CCDC148: variants seen among roughly 807,000 people sequenced by gnomAD.
The protein encoded by CCDC148 is coiled-coil domain containing 148, also known as coiled-coil domain-containing protein 148.
A neutral mutation model predicts 85.7 loss-of-function variants in CCDC148; 89 were observed. That is an observed-to-expected ratio of 1.04 (90% confidence interval 0.87 to 1.24). The LOEUF is 1.24. Among genes scored for constraint, CCDC148 ranks in the 50% most tolerant of loss-of-function variants. CCDC148 has a pLI of 0.00. For synonymous variants in CCDC148, 230 were observed against 213.9 expected (o/e 1.08, Z -0.66); for missense variants, 692 against 671.7 (o/e 1.03, Z -0.33).
chr2:158,227,654 A>C (rs972056621), intron 10 of CCDC148, among the ~76,000 whole-genome samples: 1 of 152,218 alleles, frequency 6.6e-6, no homozygotes, highest in Non-Finnish European at 1.5e-5. Flanking sequence ...ATAATGCCGC[A>C]TATCTACAAC....
chr2:158,311,427 TC>T (rs142340948), intron 8 of CCDC148, among the ~76,000 whole-genome samples: 8,373 of 152,004 alleles, frequency 0.055, 492 homozygotes, highest in African/African-American at 0.15. Flanking sequence ...GGCAGTACAG[TC>T]CAGCCTCGGC....
intron 1 of CCDC148, among the ~76,000 whole-genome samples, chr2:158,430,150 G>T (rs1687274591): frequency 1.3e-5 from 2 of 152,268 alleles, no homozygotes; most frequent in South Asian, 4.1e-4. Flanking sequence ...TTCACACAGG[G>T]ATGAAGATGT....
chr2:158,311,518 G>A (rs1049209103), intron 8 of CCDC148, among the ~76,000 whole-genome samples: 196 of 147,848 alleles, frequency 1.3e-3, no homozygotes, highest in African/African-American at 4.5e-3. Flanking sequence ...CGGAGATGAC[G>A]GAGAGGGAGA....
chr2:158,356,504 A>G (rs887921924), intron 2 of CCDC148, among the ~76,000 whole-genome samples: 4 of 152,160 alleles, frequency 2.6e-5, no homozygotes, highest in Non-Finnish European at 4.4e-5. Context: ...TGGCCATCAG[A>G]GAAATGCAAA....
At chr2:158,254,259 T>A (rs1054556298) in intron 9 of CCDC148, among the ~76,000 whole-genome samples, 1 of 151,704 alleles carries the variant, frequency 6.6e-6, no homozygotes, top group African/African-American at 2.4e-5. Context: ...ATTGGTTAGT[T>A]GATGCTATTA....
At chr2:158,176,811 G>T in intron 12 of CCDC148, 150 bp from the exon 13 acceptor site, 1 of 776,538 alleles carries the variant, frequency 1.3e-6, no homozygotes, top group Non-Finnish European at 2.0e-6. Flanking sequence ...TAATTGGTCA[G>T]TCCTAGAGAT....
intron 7 of CCDC148, among the ~76,000 whole-genome samples, chr2:158,337,074 C>T (rs932437023): frequency 6.6e-6 from 1 of 152,106 alleles, no homozygotes. Context: ...CTGAGTCACA[C>T]AGGGTTGCAT....
chr2:158,323,254 C>A (rs1692604174), intron 7 of CCDC148, among the ~76,000 whole-genome samples: 1 of 151,998 alleles, frequency 6.6e-6, no homozygotes, highest in Non-Finnish European at 1.5e-5. Context: ...ATGTGGCAGT[C>A]CAAATTAAGA....
At chr2:158,424,573 G>A (rs560033055) in intron 1 of CCDC148, among the ~76,000 whole-genome samples, 2 of 152,008 alleles carry the variant, frequency 1.3e-5, no homozygotes, top group African/African-American at 2.4e-5. Flanking sequence ...GTCATGGGGT[G>A]GGGGGAGTGG....
intron 11 of CCDC148, among the ~76,000 whole-genome samples, chr2:158,187,751 C>T (rs1431499558): frequency 6.6e-6 from 1 of 152,034 alleles, no homozygotes; most frequent in Non-Finnish European, 1.5e-5. Context: ...CAACATGAAT[C>T]CTCTTCTTTT....
chr2:158,266,344 C>T (rs1302468930), intron 9 of CCDC148, among the ~76,000 whole-genome samples: 1 of 152,126 alleles, frequency 6.6e-6, no homozygotes, highest in Non-Finnish European at 1.5e-5. Context: ...GTTGCTGCCA[C>T]ATAGGAATGA....
chr2:158,223,059 C>T (rs530247052), intron 10 of CCDC148, among the ~76,000 whole-genome samples: 1 of 152,152 alleles, frequency 6.6e-6, no homozygotes, highest in African/African-American at 2.4e-5. Flanking sequence ...AGGGAATTGC[C>T]TTTCCTAGTC....
intron 9 of CCDC148, among the ~76,000 whole-genome samples, chr2:158,277,903 G>A (rs10166693): frequency 0.034 from 5,129 of 152,170 alleles, 122 homozygotes; most frequent in East Asian, 0.064. Context: ...CAAAGAAACT[G>A]AGGCTTAGAG....
At chr2:158,187,708 A>C (rs969931081) in intron 11 of CCDC148, among the ~76,000 whole-genome samples, 7 of 151,960 alleles carry the variant, frequency 4.6e-5, no homozygotes, top group South Asian at 2.1e-4. Flanking sequence ...CATTCCTTTT[A>C]CCAGCTTCTC....
intron 9 of CCDC148, among the ~76,000 whole-genome samples, chr2:158,287,498 G>A (rs1477765225): frequency 6.6e-6 from 1 of 152,020 alleles, no homozygotes; most frequent in African/African-American, 2.4e-5. Context: ...CATTTTAATG[G>A]GAGAAATTGG....
intron 11 of CCDC148, among the ~76,000 whole-genome samples, chr2:158,208,969 T>G (rs1287689369): frequency 6.6e-6 from 1 of 152,012 alleles, no homozygotes; most frequent in Non-Finnish European, 1.5e-5. Flanking sequence ...AAAACCCAGA[T>G]TATAAACATG....
chr2:158,197,290 A>G (rs1008081085), intron 11 of CCDC148, among the ~76,000 whole-genome samples: 1 of 152,270 alleles, frequency 6.6e-6, no homozygotes, highest in South Asian at 2.1e-4. Context: ...ATTTTAATCA[A>G]TGATCCCACA....
chr2:158,363,495 C>T (rs2105272296), intron 1 of CCDC148, among the ~76,000 whole-genome samples: 1 of 152,280 alleles, frequency 6.6e-6, no homozygotes, highest in Admixed American at 6.5e-5. Context: ...ATCTGGGATG[C>T]AAGTCTGGTT....
intron 11 of CCDC148, among the ~76,000 whole-genome samples, chr2:158,220,021 T>C (rs538412074): frequency 1.6e-4 from 24 of 152,358 alleles, no homozygotes; most frequent in Middle Eastern, 3.4e-3. Context: ...ACTGATACAG[T>C]AACTTTGGAA....
Sources: gnomAD v4.1 joint callset for allele counts (sites outside exome capture counted in the v4.1 genomes callset) on GRCh38, gnomAD v4.1.1 for gene constraint, MANE v1.5 for transcripts, NCBI Gene and HGNC (gene_info 2026-07-23, HGNC 2026-07-21) for gene names.